Variants in EPHA6 observed in about 807,000 individuals in gnomAD.
EPHA6 encodes the protein EPH receptor A6.
In EPHA6, 50 loss-of-function variants were observed where a neutral mutation model predicts 112.0. The ratio of observed to expected loss-of-function variants is 0.45; its 90% CI spans 0.36 to 0.56. The LOEUF is 0.56. Among genes scored for constraint, EPHA6 ranks in the 20% least tolerant of loss-of-function variants. EPHA6 has a pLI of 0.00. For synonymous variants in EPHA6, 529 were observed against 490.7 expected (o/e 1.08, Z -1.03); for missense variants, 1,280 against 1,417.4 (o/e 0.90, Z 1.56).
intron 5 of EPHA6, among the ~76,000 whole-genome samples, chr3:97,307,998 T>C (rs2081391766): frequency 6.6e-6 from 1 of 151,644 alleles, no homozygotes; most frequent in Non-Finnish European, 1.5e-5. Context: ...TTTGTGTTCC[T>C]TTCATATCCT....
chr3:97,165,747 G>A (rs910380090), intron 3 of EPHA6, among the ~76,000 whole-genome samples: 3 of 152,148 alleles, frequency 2.0e-5, no homozygotes, highest in Non-Finnish European at 4.4e-5. Context: ...AAATTATCTA[G>A]AAAGTAGAAG....
chr3:97,422,526 C>G (rs2088752423), intron 6 of EPHA6, among the ~76,000 whole-genome samples: 1 of 152,094 alleles, frequency 6.6e-6, no homozygotes, highest in African/African-American at 2.4e-5. Flanking sequence ...TTAGACTGAT[C>G]ATTGAAATAG....
chr3:97,108,203 G>C (rs2047622916), intron 3 of EPHA6, among the ~76,000 whole-genome samples: 1 of 152,102 alleles, frequency 6.6e-6, no homozygotes, highest in South Asian at 2.1e-4. Context: ...AAGAGTGTTA[G>C]GGGAAAGTCA....
intron 3 of EPHA6, among the ~76,000 whole-genome samples, chr3:97,036,792 G>A (rs990885276): frequency 1.3e-5 from 2 of 151,950 alleles, no homozygotes; most frequent in South Asian, 4.1e-4. Flanking sequence ...AAAGGTATAT[G>A]TAATGGGCAC....
intron 6 of EPHA6, among the ~76,000 whole-genome samples, chr3:97,428,445 A>C (rs75188961): frequency 1.3e-5 from 2 of 152,248 alleles, no homozygotes; most frequent in East Asian, 3.9e-4. Flanking sequence ...TTTTAAACTA[A>C]TATTTCATGA....
At chr3:97,221,818 G>C (rs561150852) in intron 3 of EPHA6, among the ~76,000 whole-genome samples, 145 of 152,232 alleles carry the variant, frequency 9.5e-4, no homozygotes, top group Admixed American at 1.8e-3. Flanking sequence ...GATCACTTGA[G>C]GTCAGGAGTT....
rs768301549 is a variant in EPHA6, at chr3:97,637,933, G to C, written c.2635G>C (p.Gly879Arg). Reference protein sequence around the residue: ...LVGMLRGIASGMKYLSDMGYV... With the variant: ...LVGMLRGIASRMKYLSDMGYV... ...CGGAATGCTCCGAGGCATTGCATCAGGCATGAAGTATCTTTCTGATATGGG... is the reference window on the plus strand; with the variant it reads ...CGGAATGCTCCGAGGCATTGCATCACGCATGAAGTATCTTTCTGATATGGG... Residue 879 changes from glycine (G) to arginine (R), a missense_variant, in exon 14 of 18, where the codon GGC becomes CGC. Transcript: ENST00000389672. 1 of 1,613,954 alleles carries C rather than the reference G, an allele frequency of 6.2e-7. No individual in the cohort carries two copies. The highest frequency in any genetic ancestry group is 1.1e-5 in the South Asian group (1 of 91,080).
intron 11 of EPHA6, among the ~76,000 whole-genome samples, chr3:97,559,388 G>C (rs985200569): frequency 4.6e-5 from 7 of 151,898 alleles, no homozygotes; most frequent in African/African-American, 1.7e-4. Flanking sequence ...TTTTGAATGG[G>C]TTGATGAACC....
intron 5 of EPHA6, among the ~76,000 whole-genome samples, chr3:97,297,964 A>G (rs898899414): frequency 1.3e-5 from 2 of 152,086 alleles, no homozygotes; most frequent in African/African-American, 4.8e-5. Context: ...GGGTTTCACC[A>G]TGTTGGTCAG....
intron 5 of EPHA6, among the ~76,000 whole-genome samples, chr3:97,294,191 G>T (rs2080796992): frequency 6.6e-6 from 1 of 152,170 alleles, no homozygotes; most frequent in South Asian, 2.1e-4. Context: ...CTCCTGCTGT[G>T]CCAATTCATA....
intron 6 of EPHA6, among the ~76,000 whole-genome samples, chr3:97,432,991 A>G (rs368215988): frequency 1.3e-5 from 2 of 152,214 alleles, no homozygotes; most frequent in Non-Finnish European, 2.9e-5. Context: ...TTTGCAATAT[A>G]GAAGATCCTG....
At chr3:97,153,358 C>A (rs906990832) in intron 3 of EPHA6, among the ~76,000 whole-genome samples, 1 of 152,066 alleles carries the variant, frequency 6.6e-6, no homozygotes, top group Non-Finnish European at 1.5e-5. Context: ...AAAATCCATT[C>A]CTTCCATTTT....
At chr3:97,406,052 A>G (rs1169241177) in intron 6 of EPHA6, among the ~76,000 whole-genome samples, 1 of 152,140 alleles carries the variant, frequency 6.6e-6, no homozygotes, top group Non-Finnish European at 1.5e-5. Context: ...AATGTTAAAT[A>G]AAAATTTTAA....
At position 97,752,544 on chromosome 3, in the gene EPHA6, TA is replaced by T; in HGVS notation, c.*3849del. ...ACGCCACACATTATCTCAATCAGCA[TA>T]AAAAAGGTAGCACAACAAATCTAAA... On this transcript the variant is annotated 3_prime_UTR_variant, in exon 18 of 18. Transcript: ENST00000389672. The T allele has an allele frequency of 9.2e-6, 2 of 218,056 alleles. No homozygotes were observed. The highest frequency in any genetic ancestry group is 1.8e-5 in the Non-Finnish European group (2 of 108,294). 13.5% of individuals were successfully genotyped at this position (218,056 alleles called of 1,614,324 possible). A position where few individuals can be genotyped will look rare whatever the true frequency, so the allele number is the denominator to read the frequency against.
At chr3:97,108,956 G>A (rs918711132) in intron 3 of EPHA6, among the ~76,000 whole-genome samples, 4 of 152,088 alleles carry the variant, frequency 2.6e-5, no homozygotes, top group African/African-American at 9.7e-5. Context: ...CATTCCAGTG[G>A]CATGTACAAC....
chr3:97,252,451 A>G lies in EPHA6; in HGVS notation c.1606+8164A>G, dbSNP rs928416841. On this transcript the variant is annotated intron_variant, in intron 5 of 17. Coordinates refer to ENST00000389672, the MANE Select transcript of EPHA6 (RefSeq NM_001080448.3). ...CACACGCGCGCGCACGCACAGGCACACCCACACGATGCTCCAGGGTTAGCA... is the reference window on the plus strand; with the variant it reads ...CACACGCGCGCGCACGCACAGGCACGCCCACACGATGCTCCAGGGTTAGCA... Among the ~76,000 whole-genome samples the G allele has an allele frequency of 2.6e-5, 4 of 152,094 alleles. 1 individual carries two copies. The highest frequency in any genetic ancestry group is 2.0e-4 in the Admixed American group (3 of 15,262).
intron 4 of EPHA6, among the ~76,000 whole-genome samples, chr3:97,240,398 G>A (rs1370973589): frequency 2.0e-5 from 3 of 151,792 alleles, no homozygotes; most frequent in Non-Finnish European, 2.9e-5. Context: ...AATTAACAAA[G>A]GTAGTAACTT....
At chr3:96,978,319 G>A (rs2042614237) in intron 2 of EPHA6, among the ~76,000 whole-genome samples, 1 of 152,120 alleles carries the variant, frequency 6.6e-6, no homozygotes, top group Admixed American at 6.6e-5. Context: ...TTCAGAGGTG[G>A]CAGAGGCTGA....
At chr3:97,101,201 C>T (rs1415427433) in intron 3 of EPHA6, among the ~76,000 whole-genome samples, 3 of 151,930 alleles carry the variant, frequency 2.0e-5, no homozygotes, top group East Asian at 1.9e-4. Flanking sequence ...GAATCCAATA[C>T]TCAGAAATAA....
Sources: allele counts gnomAD v4.1 joint callset (sites outside exome capture counted in the v4.1 genomes callset), GRCh38; gene constraint gnomAD v4.1.1; transcripts MANE v1.5; gene names NCBI Gene and HGNC (gene_info 2026-07-23, HGNC 2026-07-21).